CCDC60: variants seen among roughly 807,000 people sequenced by gnomAD.
CCDC60 encodes coiled-coil domain containing 60, also known as coiled-coil domain-containing protein 60.
In CCDC60, 54 loss-of-function variants were observed where a neutral mutation model predicts 63.5. The observed-to-expected ratio is 0.85, with a 90% CI of 0.68 to 1.07. The LOEUF (loss-of-function observed/expected upper bound fraction) is 1.07. CCDC60 is among the 50% of genes least tolerant of loss of function. The pLI is 0.00. For missense variants in CCDC60, 651 were observed against 684.3 expected (o/e 0.95, Z 0.54); for synonymous variants, 206 against 238.8 (o/e 0.86, Z 1.27).
At chr12:119,335,821 A>G (rs909814060) in intron 1 of CCDC60, among the ~76,000 whole-genome samples, 1 of 150,414 alleles carries the variant, frequency 6.6e-6, no homozygotes, top group Non-Finnish European at 1.5e-5. Flanking sequence ...CCTTTTGTCA[A>G]TTTTGTCTTT....
rs200179153 is a variant in CCDC60 at position 119,383,918 on chromosome 12, C to T, written c.91-44765C>T. 1.1e-4 allele frequency among the ~76,000 whole-genome samples: 16 copies of T among 152,262 alleles called. No homozygotes were observed. In the East Asian group the frequency reaches 1.7e-3, roughly 17 times the overall value. ...CCACTTTAAAGAGACAGACCTAGGC[C>T]GGGCGCGGTGGCTCACGCCTGTAAT... On this transcript the variant is annotated intron_variant, in intron 1 of 13. Transcript: ENST00000327554.
chr12:119,526,065 G>C (rs1952668517), intron 11 of CCDC60, among the ~76,000 whole-genome samples: 1 of 152,102 alleles, frequency 6.6e-6, no homozygotes, highest in African/African-American at 2.4e-5. Context: ...ACAAAAACAG[G>C]CACATAGACT....
intron 5 of CCDC60, 49 bp from the exon 6 acceptor site, chr12:119,500,028 TA>T: frequency 7.8e-7 from 1 of 1,281,950 alleles, no homozygotes; most frequent in Non-Finnish European, 1.1e-6. Flanking sequence ...GAACTTGTAA[TA>T]AACCAAGACT....
intron 2 of CCDC60, among the ~76,000 whole-genome samples, chr12:119,447,279 C>T (rs1480556356): frequency 6.6e-6 from 1 of 152,160 alleles, no homozygotes; most frequent in Non-Finnish European, 1.5e-5. Flanking sequence ...TTTGACAACA[C>T]CTCCTTGCAA....
chr12:119,495,132 T>A (rs577856681), intron 5 of CCDC60, among the ~76,000 whole-genome samples: 3 of 152,182 alleles, frequency 2.0e-5, no homozygotes, highest in Non-Finnish European at 4.4e-5. Context: ...GCATAGAAAA[T>A]TAATTTGCTC....
intron 2 of CCDC60, among the ~76,000 whole-genome samples, chr12:119,442,779 T>G (rs1950473334): frequency 6.6e-6 from 1 of 152,236 alleles, no homozygotes; most frequent in Admixed American, 6.5e-5. Context: ...AGCATGCAGC[T>G]TTAAGACTCT....
At position 119,505,050 on chromosome 12, in the gene CCDC60, TTTC is replaced by T. The variant is rs199823020; in HGVS notation, c.649-14_649-12del. The T allele has an allele frequency of 6.4e-6, 10 of 1,559,980 alleles. No individual in the cohort carries two copies. The East Asian group carries it at 2.0e-4, about 32-fold the overall frequency. ...TTCCCCCTCCTTCCTGAAACCTCTC[TTTC>T]TTCTCTTTCCTTTAGACCAAGAAAT... On this transcript the variant is annotated splice_polypyrimidine_tract_variant and intron_variant, in intron 6 of 13. Transcript: ENST00000327554.
intron 5 of CCDC60, among the ~76,000 whole-genome samples, chr12:119,491,002 C>T (rs992066875): frequency 1.3e-5 from 2 of 152,176 alleles, no homozygotes; most frequent in African/African-American, 4.8e-5. Flanking sequence ...AAGAAAACTC[C>T]TTTTAAAAGT....
chr12:119,355,518 T>C (rs2136158385), intron 1 of CCDC60, among the ~76,000 whole-genome samples: 1 of 152,360 alleles, frequency 6.6e-6, no homozygotes, highest in South Asian at 2.1e-4. Context: ...GCAGCACACC[T>C]ACTATGTACT....
Position 119,456,056 on chromosome 12 carries a change from AAAGAAAGCAAGCAAGC to A in CCDC60, c.171-15936_171-15921del, listed in dbSNP as rs1260885119. Among the ~76,000 whole-genome samples, 12 of 96,872 alleles carry A rather than the reference AAAGAAAGCAAGCAAGC, an allele frequency of 1.2e-4. No individual in the cohort carries two copies. The highest frequency in any genetic ancestry group is 4.4e-4 in the African/African-American group (11 of 24,814). The allele number at this position is 96,872 out of a possible 152,430, so 63.6% of individuals were successfully genotyped here. On this transcript the variant is annotated intron_variant, in intron 2 of 13. Coordinates refer to ENST00000327554, the MANE Select transcript of CCDC60 (RefSeq NM_178499.5). The surrounding 1 kb of genome is among the most constrained non-coding windows in gnomAD (Gnocchi z 4.6). ...GAAAGAAAGAAAGAAAGAAAGAAAG[AAAGAAAGCAAGCAAGC>A]ATGTGCAATTTCAAGGGGGTAGAGA... is the stretch of plus-strand genomic sequence containing the variant.
At chr12:119,396,500 T>C (rs974178520) in intron 1 of CCDC60, among the ~76,000 whole-genome samples, 1 of 152,040 alleles carries the variant, frequency 6.6e-6, no homozygotes, top group African/African-American at 2.4e-5. Flanking sequence ...AGGGACCCAC[T>C]ATCACAACAA....
intron 1 of CCDC60, among the ~76,000 whole-genome samples, chr12:119,385,019 G>C (rs904282721): frequency 3.3e-5 from 5 of 152,234 alleles, no homozygotes; most frequent in Non-Finnish European, 5.9e-5. Context: ...GAGAGAGGGT[G>C]GCTTTTTCTA....
At chr12:119,350,490 C>T (rs1053957481) in intron 1 of CCDC60, among the ~76,000 whole-genome samples, 1 of 152,106 alleles carries the variant, frequency 6.6e-6, no homozygotes, top group African/African-American at 2.4e-5. Flanking sequence ...GCCTCGGCCT[C>T]CCAAAGTGCT....
intron 2 of CCDC60, among the ~76,000 whole-genome samples, chr12:119,447,510 G>A (rs1010927738): frequency 3.3e-5 from 5 of 152,220 alleles, no homozygotes; most frequent in Middle Eastern, 3.4e-3. Context: ...TTTGGAAATT[G>A]TTGGTGTGCC....
chr12:119,465,524 G>A (rs968824971), intron 2 of CCDC60, among the ~76,000 whole-genome samples: 1 of 152,036 alleles, frequency 6.6e-6, no homozygotes, highest in Non-Finnish European at 1.5e-5. Context: ...CTGGGAGGCC[G>A]AGGCAGGTGG....
chr12:119,458,485 G>A (rs1164804471), intron 2 of CCDC60, among the ~76,000 whole-genome samples: 3 of 152,010 alleles, frequency 2.0e-5, no homozygotes, highest in African/African-American at 7.3e-5. Flanking sequence ...ACAGTGATTT[G>A]TGGTAGTTAA....
chr12:119,390,823 G>A (rs1956143810), intron 1 of CCDC60, among the ~76,000 whole-genome samples: 2 of 152,204 alleles, frequency 1.3e-5, no homozygotes, highest in African/African-American at 2.4e-5. Context: ...AAGAACAGTG[G>A]CAGGTGCATT....
intron 13 of CCDC60, among the ~76,000 whole-genome samples, chr12:119,539,817 C>T (rs1348478424): frequency 6.6e-6 from 1 of 152,238 alleles, no homozygotes; most frequent in Non-Finnish European, 1.5e-5. Flanking sequence ...GTTGTGTAGG[C>T]ACCCAAGGGA....
intron 5 of CCDC60, among the ~76,000 whole-genome samples, chr12:119,489,789 T>G (rs1285064538): frequency 1.3e-5 from 2 of 151,344 alleles, no homozygotes; most frequent in Non-Finnish European, 1.5e-5. Flanking sequence ...AGTCTTCCTC[T>G]TCCCAAAACC....
Sources: gnomAD v4.1 joint callset for allele counts (sites outside exome capture counted in the v4.1 genomes callset) on GRCh38, gnomAD v4.1.1 for gene constraint, Gnocchi (gnomAD v3.1) non-coding constraint, MANE v1.5 for transcripts, NCBI Gene and HGNC (gene_info 2026-07-23, HGNC 2026-07-21) for gene names.